The following PCDHA5 variants were observed in gnomAD, a reference collection of about 807,000 sequenced individuals.
PCDHA5 encodes the protein protocadherin alpha 5.
In PCDHA5, 43 loss-of-function variants were observed where a neutral mutation model predicts 61.6. The observed-to-expected ratio is 0.70, with a 90% CI of 0.55 to 0.90. PCDHA5 has a LOEUF of 0.90. Ranked by LOEUF, PCDHA5 falls within the 40% of genes least tolerant of loss-of-function variation. The pLI, the probability that PCDHA5 is intolerant of heterozygous loss-of-function variation, is 0.00. For missense variants in PCDHA5, 1,298 were observed against 1,222.7 expected (o/e 1.06, Z -0.92); for synonymous variants, 627 against 543.9 (o/e 1.15, Z -2.13).
rs2150441857 is a variant in PCDHA5 at position 140,849,593 on chromosome 5, G to T, written c.2352+25466G>T. ...CTGTAAAAGAGGACGCACAACTGGGGACAGTTATTGCCCTGATTAGTGTGA... is the reference window on the plus strand; with the variant it reads ...CTGTAAAAGAGGACGCACAACTGGGTACAGTTATTGCCCTGATTAGTGTGA... On this transcript the variant is annotated intron_variant, in intron 1 of 3. Transcript: ENST00000529859. The T allele has an allele frequency of 3.0e-5, 48 of 1,598,606 alleles. 4 individuals carry two copies. Among genetic ancestry groups the T allele is most frequent in the African/African-American group, 1.1e-4 (8 of 74,332 alleles).
rs1767681513 is a variant in PCDHA5 at position 140,823,377 on chromosome 5, G to A, written c.1602G>A (p.Val534=). 1.2e-6 allele frequency: 2 copies of A among 1,612,774 alleles called. No individual in the cohort carries two copies. Among genetic ancestry groups the A allele is most frequent in the Non-Finnish European group, 1.7e-6 (2 of 1,179,802 alleles). Residue 534 remains valine, a synonymous_variant, in exon 1 of 4, where the codon GTG becomes GTA. Transcript: ENST00000529859. ...HEEVELLQFQ[V]SARDAGVPPL... ...AAGTGGAGCTGCTGCAGTTCCAGGTGAGCGCGCGCGACGCGGGCGTGCCGC... is the reference window on the plus strand; with the variant it reads ...AAGTGGAGCTGCTGCAGTTCCAGGTAAGCGCGCGCGACGCGGGCGTGCCGC...
At chr5:140,969,459 G>A (rs1554231863) in intron 1 of PCDHA5, 1 of 1,503,404 alleles carries the variant, frequency 6.7e-7, no homozygotes, top group Non-Finnish European at 8.9e-7. Flanking sequence ...AGTATATATA[G>A]TATCCACAAT....
At chr5:140,970,280 C>G (rs1445871505) in intron 1 of PCDHA5, among the ~76,000 whole-genome samples, 3 of 152,138 alleles carry the variant, frequency 2.0e-5, no homozygotes, top group East Asian at 1.9e-4. Flanking sequence ...TGTAAAGTAG[C>G]CTTTTCAAGT....
chr5:140,831,399 A>T (rs2150194241), intron 1 of PCDHA5, among the ~76,000 whole-genome samples: 1 of 150,984 alleles, frequency 6.6e-6, no homozygotes. Flanking sequence ...TTGCTCTGTC[A>T]CCCATGCTGG....
chr5:140,870,957 C>T, intron 1 of PCDHA5: 1 of 1,613,704 alleles, frequency 6.2e-7, no homozygotes, highest in Non-Finnish European at 8.5e-7. Context: ...GCGGCTCGCG[C>T]ATCCCGTTCC....
chr5:140,985,941 G>T (rs553776294), intron 3 of PCDHA5, among the ~76,000 whole-genome samples: 2 of 151,978 alleles, frequency 1.3e-5, no homozygotes, highest in South Asian at 4.1e-4. Flanking sequence ...GGGTTTCACT[G>T]TGTTAGCCAG....
intron 1 of PCDHA5, chr5:140,842,630 G>A: frequency 6.3e-7 from 1 of 1,586,074 alleles, no homozygotes; most frequent in Non-Finnish European, 8.6e-7. Context: ...TTCGCTGTGG[G>A]CCACCGCCAG....
chr5:140,921,289 A>G (rs2080153256), intron 1 of PCDHA5, among the ~76,000 whole-genome samples: 1 of 152,172 alleles, frequency 6.6e-6, no homozygotes, highest in African/African-American at 2.4e-5. Flanking sequence ...AAAACCTCAA[A>G]TTTGCTGAAT....
intron 1 of PCDHA5, among the ~76,000 whole-genome samples, chr5:140,955,110 T>C (rs915501300): frequency 7.2e-5 from 11 of 152,274 alleles, no homozygotes; most frequent in African/African-American, 2.6e-4. Flanking sequence ...TTCTGAGTTC[T>C]CTATTCTGTT....
intron 1 of PCDHA5, among the ~76,000 whole-genome samples, chr5:140,840,143 C>A (rs1776577709): frequency 2.6e-5 from 4 of 151,842 alleles, no homozygotes; most frequent in Admixed American, 2.6e-4. Flanking sequence ...GAAATTATCA[C>A]ACGTGAAAGG....
intron 1 of PCDHA5, among the ~76,000 whole-genome samples, chr5:140,912,858 A>G (rs1554195572): frequency 6.6e-6 from 1 of 152,192 alleles, no homozygotes; most frequent in East Asian, 1.9e-4. Context: ...ATCAATTGAA[A>G]TGATATATGG....
rs2150490621 is a variant in PCDHA5 at position 140,850,594 on chromosome 5, T to C, written c.2352+26467T>C. The C allele has an allele frequency of 2.5e-6, 4 of 1,598,338 alleles. No individual in the cohort carries two copies. In the East Asian group the frequency reaches 8.9e-5, roughly 36 times the overall value. The stretch of plus-strand genomic sequence containing the variant: ...ACGCTGGTGGATGTCAACGTGTACC[T>C]GATCATCGCCATCTGCGCGGTGTCT... On this transcript the variant is annotated intron_variant, in intron 1 of 3. Coordinates refer to ENST00000529859, the MANE Select transcript of PCDHA5 (RefSeq NM_018908.3).
chr5:140,970,527 ATG>A (rs1270257257), intron 1 of PCDHA5, among the ~76,000 whole-genome samples: 2 of 151,436 alleles, frequency 1.3e-5, no homozygotes, highest in African/African-American at 4.9e-5. Context: ...GTAGATGAAT[ATG>A]TGTGTGTGTT....
chr5:140,833,753 C>CAT (rs1554133947), intron 1 of PCDHA5, among the ~76,000 whole-genome samples: 1 of 148,592 alleles, frequency 6.7e-6, no homozygotes, highest in East Asian at 1.9e-4. Context: ...AAAAAGAAAA[C>CAT]ACACACACAC....
At chr5:140,947,957 A>G (rs2094196859) in intron 1 of PCDHA5, among the ~76,000 whole-genome samples, 1 of 151,542 alleles carries the variant, frequency 6.6e-6, no homozygotes, top group African/African-American at 2.4e-5. Flanking sequence ...ATATTTTACA[A>G]TTAAGTATGT....
At chr5:140,956,147 C>T (rs150480657) in intron 1 of PCDHA5, among the ~76,000 whole-genome samples, 5,358 of 152,186 alleles carry the variant, frequency 0.035, 121 homozygotes, top group Non-Finnish European at 0.052. Context: ...ATTTCTTTCT[C>T]TTTCCTAATT....
intron 3 of PCDHA5, among the ~76,000 whole-genome samples, chr5:140,999,514 A>G (rs782202425): frequency 1.4e-4 from 22 of 152,210 alleles, no homozygotes; most frequent in Non-Finnish European, 1.0e-4. Context: ...CATTTTAAGC[A>G]TTTTGTTACC....
chr5:140,829,145 C>T (rs2150162987), intron 1 of PCDHA5: 1 of 1,613,788 alleles, frequency 6.2e-7, no homozygotes, highest in South Asian at 1.1e-5. Flanking sequence ...TGAGATAGCA[C>T]TGACTTCCTT....
At chr5:140,917,892 T>C (rs1382149175) in intron 1 of PCDHA5, among the ~76,000 whole-genome samples, 2 of 152,104 alleles carry the variant, frequency 1.3e-5, no homozygotes, top group African/African-American at 4.8e-5. Flanking sequence ...TTTTTCCATA[T>C]GAATGTTAGG....
Sources: allele counts gnomAD v4.1 joint callset (sites outside exome capture counted in the v4.1 genomes callset), GRCh38; gene constraint gnomAD v4.1.1; transcripts MANE v1.5; gene names NCBI Gene and HGNC (gene_info 2026-07-23, HGNC 2026-07-21).